SPEG: variants seen among roughly 807,000 people sequenced by gnomAD.
SPEG encodes the protein striated muscle preferentially expressed protein kinase.
SPEG carries 114 observed loss-of-function variants against 300.4 expected under a neutral mutation model. That is an observed-to-expected ratio of 0.38 (90% confidence interval 0.33 to 0.44). SPEG has a LOEUF of 0.44. Ranked by LOEUF, SPEG falls within the 20% of genes least tolerant of loss-of-function variation. SPEG has a pLI of 1.00. For synonymous variants in SPEG, 1,964 were observed against 2,018.9 expected, an observed-to-expected ratio of 0.97 and a Z score of 0.73; for missense variants, 4,201 against 4,586.2, an observed-to-expected ratio of 0.92 and a Z score of 2.43.
chr2:219,461,775 C>G, intron 6 of SPEG, 107 bp from the exon 7 acceptor site: 1 of 1,224,272 alleles, frequency 8.2e-7, no homozygotes, highest in Non-Finnish European at 1.2e-6. Flanking sequence ...GCAGGGCCGG[C>G]CTGCGGGGAG....
intron 40 of SPEG, 69 bp downstream of exon 40, chr2:219,492,329 C>G: frequency 4.7e-6 from 7 of 1,497,322 alleles, no homozygotes; most frequent in Non-Finnish European, 6.4e-6. Context: ...CCAGAGATCT[C>G]CCAGCTCCTC....
At position 219,488,305 on chromosome 2, in the gene SPEG, T is replaced by C; in HGVS notation, c.7853T>C (p.Met2618Thr). ...AACPAPHISW[M>T]KDKKSLRSEP... is the part of the protein sequence containing the mutation. ...TGCCCTGCACCGCACATCTCCTGGA[T>C]GAAAGGTAAGGAGACTCTGTCTCCC... is the stretch of plus-strand genomic sequence containing the variant. Residue 2618 changes from methionine to threonine, a missense_variant, in exon 32 of 41, where the codon ATG becomes ACG. Around this residue, in one of 4 missense-constraint regions of SPEG, gnomAD observed 1,578 missense variants for 1,506.0 expected, o/e 1.05. Coordinates refer to ENST00000312358, the MANE Select transcript of SPEG (RefSeq NM_005876.5). 2 of 1,606,410 alleles carry C rather than the reference T, an allele frequency of 1.2e-6. No homozygotes were observed. Among genetic ancestry groups the C allele is most frequent in the Non-Finnish European group, 1.7e-6 (2 of 1,175,240 alleles).
intron 14 of SPEG, 119 bp from the exon 15 acceptor site, chr2:219,472,108 G>T: frequency 1.3e-6 from 2 of 1,524,108 alleles, no homozygotes; most frequent in East Asian, 2.3e-5. Flanking sequence ...GGACCCTCTT[G>T]CCTTGCCCCT....
At chr2:219,454,668 G>A (rs1025511528) in intron 6 of SPEG, among the ~76,000 whole-genome samples, 3 of 152,254 alleles carry the variant, frequency 2.0e-5, no homozygotes, top group African/African-American at 7.2e-5. Context: ...GTGAGGTAGA[G>A]CTAGCACCAG....
At position 219,476,091 on chromosome 2, in the gene SPEG, A is replaced by C. The variant is rs865860911; in HGVS notation, c.4448-779A>C. Among the ~76,000 whole-genome samples, 3 of 152,134 alleles carry C rather than the reference A, an allele frequency of 2.0e-5. No individual in the cohort carries two copies. In the South Asian group the frequency reaches 6.2e-4, roughly 31 times the overall value. On this transcript the variant is annotated intron_variant, in intron 18 of 40. Transcript: ENST00000312358. Reference sequence around the variant, plus strand: ...AGGCTCCTTTGCAAAGCACATTGCAATGTGTATTTAATTCCATCATGAGAA... The same window carrying C: ...AGGCTCCTTTGCAAAGCACATTGCACTGTGTATTTAATTCCATCATGAGAA...
Position 219,488,861 on chromosome 2 carries a change from C to G in SPEG, c.8110C>G (p.Arg2704Gly). 6.3e-7 allele frequency: 1 copy of G among 1,587,724 alleles called. No individual in the cohort carries two copies. The highest frequency in any genetic ancestry group is 8.6e-7 in the Non-Finnish European group (1 of 1,166,052). Reference sequence around the variant, plus strand: ...GGTGCTGTGGAAGCCGGGAGACAGCCGGGCACCTTGCACGTATACGCTGGA... The same window carrying G: ...GGTGCTGTGGAAGCCGGGAGACAGCGGGGCACCTTGCACGTATACGCTGGA... ...ALVLWKPGDS[R>G]APCTYTLERR... Residue 2704 changes from arginine (R) to glycine (G), a missense_variant, in exon 34 of 41, where the codon CGG becomes GGG. Physicochemically the swap from Arg to Gly is moderately radical, Grantham distance 125. Coordinates refer to ENST00000312358, the MANE Select transcript of SPEG (RefSeq NM_005876.5).
In SPEG at chr2:219,460,552, G is replaced by A. The variant is rs1231311157; in HGVS notation, c.2441-1330G>A. On this transcript the variant is annotated intron_variant, in intron 6 of 40. Transcript: ENST00000312358. ...GCCCCACACCTTGAGTCAAGGCACCGCAGAGCGGGCTTTGCTCTTGTCAGG... is the reference window on the plus strand; with the variant it reads ...GCCCCACACCTTGAGTCAAGGCACCACAGAGCGGGCTTTGCTCTTGTCAGG... 4 of 985,456 alleles carry A rather than the reference G, an allele frequency of 4.1e-6. No individual in the cohort carries two copies. The South Asian group carries it at 1.4e-4, about 35-fold the overall frequency. 61.0% of individuals were successfully genotyped at this position (985,456 alleles called of 1,614,324 possible).
At chr2:219,471,537 C>T (rs1464210030) in intron 13 of SPEG, 9 of 343,460 alleles carry the variant, frequency 2.6e-5, no homozygotes, top group South Asian at 6.2e-5. Flanking sequence ...GGTGGGAAGA[C>T]GAGGGGCCAG....
Position 219,451,143 on chromosome 2 carries a change from G to T in SPEG, c.2121G>T (p.Ser707=), listed in dbSNP as rs763107502. 3 of 1,611,578 alleles carry T rather than the reference G, an allele frequency of 1.9e-6. No homozygotes were observed. The highest frequency in any genetic ancestry group is 1.1e-5 in the South Asian group (1 of 90,876). Residue 707 remains serine (S), a synonymous_variant, in exon 5 of 41, where the codon TCG becomes TCT. Coordinates refer to ENST00000312358, the MANE Select transcript of SPEG (RefSeq NM_005876.5). This position sits in a 1 kb window ranked among gnomAD's most constrained non-coding sequence, Gnocchi z 6.4. ...TATTCCTGTGTCCGGCAGAGTCTTC[G>T]GATGACTCCTACGTGTCCGCTGGAG... ...ARPTSPELES[S]DDSYVSAGEE...
Position 219,443,758 on chromosome 2 carries a change from G to C in SPEG, c.389-895G>C. On this transcript the variant is annotated intron_variant, in intron 1 of 40. Transcript: ENST00000312358. The surrounding 1 kb of genome is among the most constrained non-coding windows in gnomAD (Gnocchi z 4.6). ...GACACAAGCAGGTGTGTGTGTGTGTGTGTGCATGTGTGTGTGTGGCCAGTG... is the reference window on the plus strand; with the variant it reads ...GACACAAGCAGGTGTGTGTGTGTGTCTGTGCATGTGTGTGTGTGGCCAGTG... The C allele has an allele frequency of 2.8e-6, 1 of 358,190 alleles. No homozygotes were observed. Among genetic ancestry groups the C allele is most frequent in the Non-Finnish European group, 5.5e-6 (1 of 180,432 alleles). The allele number at this position is 358,190 out of a possible 1,614,324, so 22.2% of individuals were successfully genotyped here.
At chr2:219,470,827 T>C (rs905403202) in intron 13 of SPEG, among the ~76,000 whole-genome samples, 3 of 152,144 alleles carry the variant, frequency 2.0e-5, no homozygotes, top group Non-Finnish European at 4.4e-5. Flanking sequence ...ATTGGTAAAA[T>C]GGGGATAATT....
chr2:219,483,424 C>G lies in SPEG; in HGVS notation c.5961C>G (p.Pro1987=). 6.4e-7 allele frequency: 1 copy of G among 1,573,738 alleles called. No individual in the cohort carries two copies. The highest frequency in any genetic ancestry group is 8.6e-7 in the Non-Finnish European group (1 of 1,167,112). ...GRAPSQDQEA[P]SPEALPSPGQ... The stretch of plus-strand genomic sequence containing the variant: ...CTCCCTCTCAGGACCAGGAGGCTCC[C>G]AGCCCAGAGGCCCTCCCCTCCCCAG... Residue 1987 remains proline, a synonymous_variant, in exon 30 of 41, where the codon CCC becomes CCG. Coordinates refer to ENST00000312358, the MANE Select transcript of SPEG (RefSeq NM_005876.5).
At chr2:219,460,055 G>C (rs1012783495) in intron 6 of SPEG, among the ~76,000 whole-genome samples, 1 of 152,234 alleles carries the variant, frequency 6.6e-6, no homozygotes, top group Non-Finnish European at 1.5e-5. Flanking sequence ...TCATGATAAG[G>C]GGCCATTTGG....
intron 6 of SPEG, chr2:219,460,216 G>A: frequency 3.9e-6 from 3 of 759,694 alleles, no homozygotes; most frequent in Non-Finnish European, 4.8e-6. Flanking sequence ...CAGGGATGAG[G>A]GGGCAGAGGT....
chr2:219,451,041 T>C lies in SPEG; in HGVS notation c.2114-95T>C. 7.5e-7 allele frequency: 1 copy of C among 1,329,406 alleles called. No homozygotes were observed. 82.4% of individuals were successfully genotyped at this position (1,329,406 alleles called of 1,614,324 possible). ...TTCTAGAAGCCCCTCTGTCTGGGTT[T>C]GGCTTTCTAGGATGCAGGCCACCAG... On this transcript the variant is annotated intron_variant, in intron 4 of 40. Transcript: ENST00000312358. The surrounding 1 kb of genome is among the most constrained non-coding windows in gnomAD (Gnocchi z 6.4).
Position 219,484,577 on chromosome 2 carries a change from A to G in SPEG, c.7114A>G (p.Ile2372Val), listed in dbSNP as rs748172420. Residue 2372 changes from isoleucine (I) to valine (V), a missense_variant, in exon 30 of 41, where the codon ATA (isoleucine) becomes GTA (valine). Around this residue, in one of 4 missense-constraint regions of SPEG, gnomAD observed 1,578 missense variants for 1,506.0 expected, o/e 1.05. Coordinates refer to ENST00000312358, the MANE Select transcript of SPEG (RefSeq NM_005876.5). ...PFRGAEEEDG[I>V]YRPSPAGTPL... ...CCGTGGGGCCGAGGAGGAGGATGGC[A>G]TATACCGGCCCAGCCCGGCGGGGAC... is the stretch of plus-strand genomic sequence containing the variant. 2 of 1,583,654 alleles carry G rather than the reference A, an allele frequency of 1.3e-6. No homozygotes were observed. Among genetic ancestry groups the G allele is most frequent in the South Asian group, 2.3e-5 (2 of 88,638 alleles).
At position 219,445,898 on chromosome 2, in the gene SPEG, G is replaced by A. The variant is rs371723318; in HGVS notation, c.815+737G>A. Among the ~76,000 whole-genome samples the A allele has an allele frequency of 2.0e-5, 3 of 152,154 alleles. No individual in the cohort carries two copies. Among genetic ancestry groups the A allele is most frequent in the African/African-American group, 7.2e-5 (3 of 41,416 alleles). Reference sequence around the variant, plus strand: ...ATTCAAGGTTGTCCCAGGAGGGGGTGTGAGGAGCGGAGGTGTTGGAGGCAC... The same window carrying A: ...ATTCAAGGTTGTCCCAGGAGGGGGTATGAGGAGCGGAGGTGTTGGAGGCAC... On this transcript the variant is annotated intron_variant, in intron 3 of 40. Transcript: ENST00000312358. The surrounding 1 kb of genome is among the most constrained non-coding windows in gnomAD (Gnocchi z 6.1).
rs1169788665 is a variant in SPEG, at chr2:219,484,686, G to T, written c.7223G>T (p.Arg2408Leu). ...GTCGGAGAGCCTGGCCTCGTCCGCC[G>T]CCTCTCGCTGTCACTGTCCCAGCGG... The part of the protein sequence containing the change: ...RAVGEPGLVR[R>L]LSLSLSQRLR... Residue 2408 changes from arginine (R) to leucine (L), a missense_variant, in exon 30 of 41, where the codon CGC becomes CTC. Around this residue, in one of 4 missense-constraint regions of SPEG, gnomAD observed 1,578 missense variants for 1,506.0 expected, o/e 1.05. Transcript: ENST00000312358. The T allele has an allele frequency of 1.3e-6, 2 of 1,518,006 alleles. No individual in the cohort carries two copies. Among genetic ancestry groups the T allele is most frequent in the Non-Finnish European group, 1.8e-6 (2 of 1,141,400 alleles). 94.0% of individuals were successfully genotyped at this position (1,518,006 alleles called of 1,614,324 possible). A position where few individuals can be genotyped will look rare whatever the true frequency, so the allele number is the denominator to read the frequency against.
chr2:219,490,670 G>A (rs1693890905), intron 37 of SPEG, 22 bp downstream of exon 37: 3 of 1,609,698 alleles, frequency 1.9e-6, no homozygotes, highest in Non-Finnish European at 2.6e-6. Context: ...TTCTAGGGGA[G>A]TAGGGAGGAA....
Sources: allele counts gnomAD v4.1 joint callset (sites outside exome capture counted in the v4.1 genomes callset), GRCh38; gene constraint gnomAD v4.1.1; regional missense constraint gnomAD v4.1.1; non-coding constraint Gnocchi (gnomAD v3.1); transcripts MANE v1.5; gene names NCBI Gene and HGNC (gene_info 2026-07-23, HGNC 2026-07-21).